N4BP1: variants seen among roughly 807,000 people sequenced by gnomAD.
N4BP1 encodes NEDD4-binding protein 1.
Under a neutral mutation model 70.9 loss-of-function variants are expected in N4BP1, and 21 were observed. The ratio of observed to expected loss-of-function variants is 0.30; its 90% confidence interval spans 0.21 to 0.43. The LOEUF (loss-of-function observed/expected upper bound fraction) is 0.43, where lower values mean the gene tolerates loss of function less well. Among genes scored for constraint, N4BP1 ranks in the 20% least tolerant of loss-of-function variants. The pLI, the probability that N4BP1 is intolerant of heterozygous loss-of-function variation, is 1.00. For synonymous variants in N4BP1, 387 were observed against 394.6 expected (o/e 0.98, Z 0.23); for missense variants, 936 against 1,069.4 (o/e 0.88, Z 1.74).
rs1236519883 is a variant in N4BP1 at position 48,551,357 on chromosome 16, A to G, written c.2117+29T>C. ...GCTGGCTCCTCACCACCCCACTCCA[A>G]CCTTAGGAAGGAGAATGGCCTTTCA... On this transcript the variant is annotated intron_variant, in intron 4 of 6. Coordinates refer to ENST00000262384, the MANE Select transcript of N4BP1 (RefSeq NM_153029.4). The G allele has an allele frequency of 3.1e-6, 5 of 1,594,344 alleles. No individual in the cohort carries two copies. In the African/African-American group the frequency reaches 5.4e-5, roughly 17 times the overall value.
chr16:48,592,187 C>A (rs1964349401), intron 1 of N4BP1, among the ~76,000 whole-genome samples: 1 of 152,164 alleles, frequency 6.6e-6, no homozygotes, highest in Admixed American at 6.5e-5. Context: ...CAAGGTCACA[C>A]CACTGCAATC....
intron 1 of N4BP1, among the ~76,000 whole-genome samples, chr16:48,601,839 T>C (rs1567447097): frequency 6.6e-6 from 1 of 152,150 alleles, no homozygotes; most frequent in Non-Finnish European, 1.5e-5. Flanking sequence ...GCCTCCTAAG[T>C]AGCTAGGACT....
intron 6 of N4BP1, among the ~76,000 whole-genome samples, chr16:48,544,095 G>C (rs1211850441): frequency 1.3e-5 from 2 of 152,222 alleles, no homozygotes; most frequent in Non-Finnish European, 2.9e-5. Context: ...GGATTTCCAA[G>C]TTCAGATGTG....
At chr16:48,602,231 AAAC>A (rs755234816) in intron 1 of N4BP1, among the ~76,000 whole-genome samples, 16 of 152,200 alleles carry the variant, frequency 1.1e-4, no homozygotes, top group South Asian at 2.1e-4. Context: ...CTCAAAAAAC[AAAC>A]AACAACAACA....
intron 1 of N4BP1, among the ~76,000 whole-genome samples, chr16:48,579,162 T>C (rs1044968508): frequency 6.6e-6 from 1 of 152,140 alleles, no homozygotes; most frequent in African/African-American, 2.4e-5. Context: ...AAATGTCAGA[T>C]GAGAAACCCT....
chr16:48,546,460 C>T (rs921597704), intron 5 of N4BP1: 3 of 380,722 alleles, frequency 7.9e-6, no homozygotes, highest in Middle Eastern at 6.8e-4. Context: ...ATAGTCAGAA[C>T]GTTTTATCAG....
In N4BP1 at chr16:48,562,111, A is replaced by G; in HGVS notation, c.532T>C (p.Leu178=). The G allele has an allele frequency of 1.2e-6, 2 of 1,613,948 alleles. No individual in the cohort carries two copies. The highest frequency in any genetic ancestry group is 1.7e-6 in the Non-Finnish European group (2 of 1,179,888). Residue 178 remains leucine (L), a synonymous_variant, in exon 2 of 7, where the codon TTG becomes CTG. Coordinates refer to ENST00000262384, the MANE Select transcript of N4BP1 (RefSeq NM_153029.4). ...ADNYTMDLLI[L]PTSLKKELLT... is the part of the protein sequence containing the mutation. ...AGTTCTTTTTTCAAGGAAGTGGGCA[A>G]AATCAACAAATCCATTGTGTAATTG...
chr16:48,591,968 T>C (rs1398621994), intron 1 of N4BP1, among the ~76,000 whole-genome samples: 1 of 150,990 alleles, frequency 6.6e-6, no homozygotes, highest in Non-Finnish European at 1.5e-5. Context: ...GTGCAAAAAT[T>C]AGGTACAAAA....
At chr16:48,551,601 T>A in intron 3 of N4BP1, 119 bp from the exon 4 acceptor site, 1 of 644,486 alleles carries the variant, frequency 1.6e-6, no homozygotes, top group African/African-American at 1.9e-5. Flanking sequence ...TTTTTTCTAT[T>A]GACTCAATTT....
At chr16:48,546,978 CTG>C in intron 5 of N4BP1, among the ~76,000 whole-genome samples, 1 of 152,362 alleles carries the variant, frequency 6.6e-6, no homozygotes, top group East Asian at 1.9e-4. Flanking sequence ...AGCTCATTAA[CTG>C]TGCCCAGAAG....
chr16:48,570,499 A>AGT (rs1964001334), intron 1 of N4BP1, among the ~76,000 whole-genome samples: 1 of 152,134 alleles, frequency 6.6e-6, no homozygotes, highest in Non-Finnish European at 1.5e-5. Flanking sequence ...GGCACGTGCC[A>AGT]CCATGCCCAG....
At chr16:48,596,559 T>C (rs1362600867) in intron 1 of N4BP1, among the ~76,000 whole-genome samples, 1 of 152,176 alleles carries the variant, frequency 6.6e-6, no homozygotes, top group Admixed American at 6.5e-5. Context: ...AGGGAAGGAC[T>C]GAAACCACCT....
chr16:48,582,323 C>G (rs183798949), intron 1 of N4BP1, among the ~76,000 whole-genome samples: 55 of 152,276 alleles, frequency 3.6e-4, no homozygotes, highest in East Asian at 3.9e-4. Flanking sequence ...GTGAAATCTT[C>G]CGCTATCCAG....
intron 1 of N4BP1, among the ~76,000 whole-genome samples, chr16:48,591,632 GTTTT>G (rs34007822): frequency 1.5e-5 from 2 of 136,994 alleles, no homozygotes; most frequent in Non-Finnish European, 3.1e-5. Context: ...AAAGGCCTTG[GTTTT>G]TTTTTTTTTT....
chr16:48,607,348 AAAGGCAGAG>A (rs1307839240), intron 1 of N4BP1, among the ~76,000 whole-genome samples: 1 of 152,218 alleles, frequency 6.6e-6, no homozygotes, highest in East Asian at 1.9e-4. Context: ...AACGCACAGC[AAAGGCAGAG>A]ACTACTACAG....
chr16:48,563,397 G>GTA lies in N4BP1; in HGVS notation c.199-955_199-954dup, dbSNP rs528241290. On this transcript the variant is annotated intron_variant, in intron 1 of 6. Transcript: ENST00000262384. ...AATTTTTAATTGACAAATAATGATT[G>GTA]TATATATATATATAATTTTTTTTTT... Among the ~76,000 whole-genome samples the GTA allele has an allele frequency of 7.0e-3, 1,055 of 149,840 alleles. 12 individuals carry two copies. The highest frequency in any genetic ancestry group is 0.023 in the African/African-American group (924 of 40,914).
chr16:48,586,384 C>A (rs1597107540), intron 1 of N4BP1, among the ~76,000 whole-genome samples: 1 of 152,222 alleles, frequency 6.6e-6, no homozygotes, highest in Non-Finnish European at 1.5e-5. Context: ...CATTACTGCA[C>A]CCAGCAAAAC....
chr16:48,576,635 C>G (rs1281657875), intron 1 of N4BP1, among the ~76,000 whole-genome samples: 1 of 152,230 alleles, frequency 6.6e-6, no homozygotes, highest in Non-Finnish European at 1.5e-5. Context: ...TATATTTGAT[C>G]AGAGCCCAGA....
intron 1 of N4BP1, among the ~76,000 whole-genome samples, chr16:48,570,599 G>A (rs556946743): frequency 3.9e-5 from 6 of 152,274 alleles, no homozygotes; most frequent in East Asian, 1.9e-4. Context: ...CACCCATTTC[G>A]GCCTCCCAAA....
Sources: gnomAD v4.1 joint callset for allele counts (sites outside exome capture counted in the v4.1 genomes callset) on GRCh38, gnomAD v4.1.1 for gene constraint, MANE v1.5 for transcripts, NCBI Gene and HGNC (gene_info 2026-07-23, HGNC 2026-07-21) for gene names.